Variants in PPP3CA observed in about 807,000 individuals in gnomAD.
PPP3CA encodes CAM-PRP catalytic subunit.
PPP3CA carries 14 observed loss-of-function variants against 66.5 expected under a neutral mutation model. That is an observed-to-expected ratio of 0.21 (90% CI 0.14 to 0.33). PPP3CA has a LOEUF of 0.33. Ranked by LOEUF, PPP3CA falls within the 10% of genes least tolerant of loss-of-function variation. PPP3CA has a pLI of 1.00. For missense variants in PPP3CA, 317 were observed against 639.5 expected, an observed-to-expected ratio of 0.50 and a Z score of 5.44; for synonymous variants, 232 against 226.2, an observed-to-expected ratio of 1.03 and a Z score of -0.23.
intron 1 of PPP3CA, among the ~76,000 whole-genome samples, chr4:101,310,484 A>T (rs1280299179): frequency 6.6e-6 from 1 of 152,182 alleles, no homozygotes; most frequent in African/African-American, 2.4e-5. Flanking sequence ...GTTCAAGACC[A>T]GTCTGGGAAA....
chr4:101,090,195 AG>A (rs1341765205), intron 6 of PPP3CA, among the ~76,000 whole-genome samples: 2 of 152,224 alleles, frequency 1.3e-5, no homozygotes, highest in Non-Finnish European at 2.9e-5. Flanking sequence ...AAAAAGCTGT[AG>A]GAGAATGAGA....
chr4:101,251,382 C>A (rs1308134240), intron 1 of PPP3CA, among the ~76,000 whole-genome samples: 1 of 151,872 alleles, frequency 6.6e-6, no homozygotes, highest in Non-Finnish European at 1.5e-5. Context: ...CAAAACTCAA[C>A]ACAAGATTTT....
rs150869140 is a variant in PPP3CA, at chr4:101,172,795, A to G, written c.259+23121T>C. On this transcript the variant is annotated intron_variant, in intron 2 of 13. Coordinates refer to ENST00000394854, the MANE Select transcript of PPP3CA (RefSeq NM_000944.5). ...TATTCCCACAAGACATATTAAACATAACTCTCTAAGTTCTCATTCTTTCTA... is the reference window on the plus strand; with the variant it reads ...TATTCCCACAAGACATATTAAACATGACTCTCTAAGTTCTCATTCTTTCTA... 2.2e-3 allele frequency among the ~76,000 whole-genome samples: 341 copies of G among 152,246 alleles called. 1 individual carries two copies. Among genetic ancestry groups the G allele is most frequent in the African/African-American group, 8.0e-3 (334 of 41,548 alleles).
At chr4:101,288,368 G>A (rs1727908747) in intron 1 of PPP3CA, among the ~76,000 whole-genome samples, 1 of 152,094 alleles carries the variant, frequency 6.6e-6, no homozygotes, top group Non-Finnish European at 1.5e-5. Context: ...AAAATTAATG[G>A]TTACCTACCC....
At chr4:101,051,083 A>C (rs1430622556) in intron 10 of PPP3CA, among the ~76,000 whole-genome samples, 1 of 152,062 alleles carries the variant, frequency 6.6e-6, no homozygotes, top group Non-Finnish European at 1.5e-5. Context: ...AAAATAGACC[A>C]CTCCAAAAAG....
intron 6 of PPP3CA, among the ~76,000 whole-genome samples, chr4:101,085,938 T>C (rs1359063184): frequency 6.6e-6 from 1 of 151,586 alleles, no homozygotes; most frequent in African/African-American, 2.4e-5. Flanking sequence ...CCCAAAGAGA[T>C]GAAAAATCAC....
intron 1 of PPP3CA, among the ~76,000 whole-genome samples, chr4:101,267,524 A>G (rs1456806164): frequency 6.6e-6 from 1 of 152,166 alleles, no homozygotes; most frequent in Non-Finnish European, 1.5e-5. Context: ...TGAGGGCTAT[A>G]AGCATAAAGT....
intron 2 of PPP3CA, among the ~76,000 whole-genome samples, chr4:101,191,232 C>A (rs1255012921): frequency 6.6e-6 from 1 of 152,118 alleles, no homozygotes; most frequent in African/African-American, 2.4e-5. Flanking sequence ...TTTTGTGAAG[C>A]CCTACAGGTG....
chr4:101,042,002 T>C (rs1727544474), intron 10 of PPP3CA, among the ~76,000 whole-genome samples: 1 of 152,172 alleles, frequency 6.6e-6, no homozygotes, highest in Non-Finnish European at 1.5e-5. Context: ...CAGCAAGCTT[T>C]CACAGAAGGG....
chr4:101,189,844 T>A (rs1724541171), intron 2 of PPP3CA, among the ~76,000 whole-genome samples: 1 of 151,966 alleles, frequency 6.6e-6, no homozygotes, highest in South Asian at 2.1e-4. Context: ...AAAATGAAAA[T>A]GAAATTTTCA....
intron 1 of PPP3CA, among the ~76,000 whole-genome samples, chr4:101,238,634 T>C (rs912179457): frequency 6.6e-6 from 1 of 152,092 alleles, no homozygotes; most frequent in Non-Finnish European, 1.5e-5. Flanking sequence ...GTCTTAAAAG[T>C]GCATATCTTA....
intron 2 of PPP3CA, among the ~76,000 whole-genome samples, chr4:101,165,090 A>G (rs1008898517): frequency 2.6e-5 from 4 of 152,028 alleles, no homozygotes; most frequent in Admixed American, 1.3e-4. Context: ...GTTATGCTCT[A>G]TGGAATCTGC....
At chr4:101,230,031 C>A (rs554995359) in intron 1 of PPP3CA, among the ~76,000 whole-genome samples, 79 of 151,622 alleles carry the variant, frequency 5.2e-4, no homozygotes, top group African/African-American at 1.8e-3. Flanking sequence ...AAATACAGTT[C>A]CTTCTTTATT....
At chr4:101,313,777 T>C (rs538312848) in intron 1 of PPP3CA, among the ~76,000 whole-genome samples, 1 of 148,538 alleles carries the variant, frequency 6.7e-6, no homozygotes, top group Non-Finnish European at 1.5e-5. Context: ...CCTGGCTTTT[T>C]TGGTAATAGA....
rs116044587 is a variant in PPP3CA, at chr4:101,234,269, T to C, written c.59-38153A>G. Among the ~76,000 whole-genome samples, 1,107 of 151,948 alleles carry C rather than the reference T, an allele frequency of 7.3e-3. 11 individuals are homozygous for C. The highest frequency in any genetic ancestry group is 0.025 in the African/African-American group (1,058 of 41,506). ...CCTTTGGGTATATACAGTAATAGGATTGCTGGGTCAAACAGTAGTCCTCTT... is the reference window on the plus strand; with the variant it reads ...CCTTTGGGTATATACAGTAATAGGACTGCTGGGTCAAACAGTAGTCCTCTT... On this transcript the variant is annotated intron_variant, in intron 1 of 13. Coordinates refer to ENST00000394854, the MANE Select transcript of PPP3CA (RefSeq NM_000944.5).
At chr4:101,287,153 T>C (rs1195058211) in intron 1 of PPP3CA, among the ~76,000 whole-genome samples, 2 of 152,192 alleles carry the variant, frequency 1.3e-5, no homozygotes, top group Admixed American at 1.3e-4. Context: ...TTCTCAAATC[T>C]GTATTTCATT....
chr4:101,243,365 A>G (rs1237654006), intron 1 of PPP3CA, among the ~76,000 whole-genome samples: 1 of 152,168 alleles, frequency 6.6e-6, no homozygotes, highest in African/African-American at 2.4e-5. Context: ...CATTAGGCTA[A>G]GAAACAGCAC....
intron 2 of PPP3CA, among the ~76,000 whole-genome samples, chr4:101,113,976 T>C (rs1243628845): frequency 6.6e-6 from 1 of 152,136 alleles, no homozygotes; most frequent in African/African-American, 2.4e-5. Context: ...AACCAGGCTC[T>C]GACAATTTTT....
chr4:101,263,352 T>A (rs1167202494), intron 1 of PPP3CA, among the ~76,000 whole-genome samples: 1 of 152,202 alleles, frequency 6.6e-6, no homozygotes, highest in African/African-American at 2.4e-5. Context: ...AATCAGAATT[T>A]CTAAGAGTGG....
Sources: allele counts gnomAD v4.1 joint callset (sites outside exome capture counted in the v4.1 genomes callset), GRCh38; gene constraint gnomAD v4.1.1; transcripts MANE v1.5; gene names NCBI Gene and HGNC (gene_info 2026-07-23, HGNC 2026-07-21).